PCDH15: variants seen among roughly 807,000 people sequenced by gnomAD.
The protein encoded by PCDH15 is protocadherin-15.
Under a neutral mutation model 178.5 loss-of-function variants are expected in PCDH15, and 129 were observed. That is an observed-to-expected ratio of 0.72 (90% confidence interval 0.63 to 0.84). PCDH15 has a LOEUF of 0.84. Ranked by LOEUF, PCDH15 falls within the 40% of genes least tolerant of loss-of-function variation. The pLI, the probability that PCDH15 is intolerant of heterozygous loss-of-function variation, is 0.00. For synonymous variants in PCDH15, 800 were observed against 732.0 expected, an observed-to-expected ratio of 1.09 and a Z score of -1.50; for missense variants, 2,230 against 2,099.9, an observed-to-expected ratio of 1.06 and a Z score of -1.21.
At chr10:53,928,901 G>A (rs7099099) in intron 25 of PCDH15, among the ~76,000 whole-genome samples, 12,926 of 151,918 alleles carry the variant, frequency 0.085, 591 homozygotes, top group East Asian at 0.1. Flanking sequence ...TTATAAGTAC[G>A]TTTCCAAGAA....
At chr10:54,757,637 T>A (rs192649539) in intron 1 of PCDH15, among the ~76,000 whole-genome samples, 6 of 152,280 alleles carry the variant, frequency 3.9e-5, no homozygotes, top group Admixed American at 3.9e-4. Flanking sequence ...TTTGCCTTCT[T>A]TATGGTAGTC....
chr10:54,394,942 G>A lies in PCDH15; in HGVS notation c.158-16000C>T, dbSNP rs201721795. Among the ~76,000 whole-genome samples the A allele has an allele frequency of 1.6e-4, 25 of 152,212 alleles. No homozygotes were observed. The East Asian group carries it at 1.9e-3, about 12-fold the overall frequency. On this transcript the variant is annotated intron_variant, in intron 3 of 37. Transcript: ENST00000644397. ...ATGGCTCTGTTCTGCCCAGCTCACC[G>A]GTGGTCAGAGTTTAAGGTTATCTCT...
At chr10:54,056,586 C>T (rs1376879174) in intron 18 of PCDH15, among the ~76,000 whole-genome samples, 1 of 152,120 alleles carries the variant, frequency 6.6e-6, no homozygotes. Context: ...TTATCTTCAC[C>T]TGGCCCCTCC....
intron 2 of PCDH15, among the ~76,000 whole-genome samples, chr10:55,444,135 G>C (rs548995172): frequency 1.3e-5 from 2 of 151,818 alleles, no homozygotes; most frequent in Non-Finnish European, 2.9e-5. Flanking sequence ...GGCCTATCGG[G>C]GGGTGGGGGG....
At chr10:55,088,147 T>C (rs1420852496) in intron 2 of PCDH15, among the ~76,000 whole-genome samples, 1 of 152,112 alleles carries the variant, frequency 6.6e-6, no homozygotes, top group Non-Finnish European at 1.5e-5. Context: ...ATGTCTATCA[T>C]ATGAAATTGA....
intron 14 of PCDH15, among the ~76,000 whole-genome samples, chr10:54,139,855 A>T (rs971700537): frequency 1.8e-4 from 28 of 152,162 alleles, no homozygotes; most frequent in Non-Finnish European, 1.3e-4. Context: ...GAAAAAAATA[A>T]CAATTTTTAT....
chr10:55,239,984 G>A (rs536861588), intron 1 of PCDH15, among the ~76,000 whole-genome samples: 1 of 152,146 alleles, frequency 6.6e-6, no homozygotes, highest in South Asian at 2.1e-4. Flanking sequence ...AATCTACAAT[G>A]AGACATCACC....
At chr10:53,834,167 C>G (rs566397283) in intron 29 of PCDH15, among the ~76,000 whole-genome samples, 7 of 152,158 alleles carry the variant, frequency 4.6e-5, no homozygotes, top group African/African-American at 1.7e-4. Flanking sequence ...GGGGAAGGCA[C>G]TTTAGATTAA....
chr10:54,161,874 C>T (rs895225378), intron 13 of PCDH15, among the ~76,000 whole-genome samples: 2 of 152,022 alleles, frequency 1.3e-5, no homozygotes, highest in Non-Finnish European at 2.9e-5. Flanking sequence ...GGATTTGAGA[C>T]TTTATCTCCC....
intron 3 of PCDH15, among the ~76,000 whole-genome samples, chr10:54,521,753 C>A (rs760635413): frequency 1.3e-5 from 2 of 152,072 alleles, no homozygotes; most frequent in African/African-American, 4.8e-5. Context: ...AATTGAATGA[C>A]TTAATGCATT....
At chr10:54,519,669 A>T (rs1288090852) in intron 3 of PCDH15, among the ~76,000 whole-genome samples, 1 of 152,150 alleles carries the variant, frequency 6.6e-6, no homozygotes, top group Non-Finnish European at 1.5e-5. Flanking sequence ...TGCCATCCCC[A>T]TCAAGCTATC....
intron 13 of PCDH15, among the ~76,000 whole-genome samples, chr10:54,160,138 G>T (rs1026983281): frequency 2.6e-5 from 4 of 152,122 alleles, no homozygotes; most frequent in Non-Finnish European, 5.9e-5. Context: ...TGGGCAGGGA[G>T]CATAGATGTC....
At chr10:54,607,840 G>A (rs1423431945) in intron 2 of PCDH15, 3 of 527,086 alleles carry the variant, frequency 5.7e-6, no homozygotes, top group Non-Finnish European at 1.2e-5. Context: ...ATGATGCCAT[G>A]AGGCCTACTG....
chr10:55,418,001 A>C (rs1838526129), intron 2 of PCDH15, among the ~76,000 whole-genome samples: 1 of 151,756 alleles, frequency 6.6e-6, no homozygotes, highest in South Asian at 2.1e-4. Context: ...ACAACTTTTA[A>C]GCAAAAAATG....
At chr10:54,819,436 T>A (rs749073291) in intron 3 of PCDH15, among the ~76,000 whole-genome samples, 9 of 152,012 alleles carry the variant, frequency 5.9e-5, no homozygotes, top group Non-Finnish European at 1.2e-4. Flanking sequence ...ACATTATTTG[T>A]TTTAAAAAAC....
At chr10:54,126,237 AT>A (rs1040723823) in intron 15 of PCDH15, among the ~76,000 whole-genome samples, 43 of 152,070 alleles carry the variant, frequency 2.8e-4, no homozygotes, top group Middle Eastern at 3.4e-3. Flanking sequence ...CACCCAGGTA[AT>A]TTTTGTATTT....
intron 2 of PCDH15, among the ~76,000 whole-genome samples, chr10:55,045,740 C>T (rs546671569): frequency 1.3e-5 from 2 of 152,074 alleles, no homozygotes; most frequent in Non-Finnish European, 2.9e-5. Context: ...TTATAAAGAA[C>T]AGCTCATGAT....
rs751873450 is a variant in PCDH15, at chr10:54,945,348, AGAT to A, written c.-79-47851_-79-47849del. 2.6e-3 allele frequency among the ~76,000 whole-genome samples: 263 copies of A among 102,352 alleles called. 5 individuals carry two copies. The East Asian group carries it at 0.045, about 17-fold the overall frequency. The allele number at this position is 102,352 out of a possible 152,430, so 67.1% of individuals were successfully genotyped here. A position where few individuals can be genotyped will look rare whatever the true frequency, so the allele number is the denominator to read the frequency against. The stretch of plus-strand genomic sequence containing the variant: ...TGGATAGATAGATAGATAGATAGAT[AGAT>A]GATAGATAGATATATAGATAGATAG... On this transcript the variant is annotated intron_variant, in intron 2 of 5. Coordinates refer to the PCDH15 transcript ENST00000458638.
chr10:54,961,184 C>T (rs547624546), intron 2 of PCDH15, among the ~76,000 whole-genome samples: 1 of 152,184 alleles, frequency 6.6e-6, no homozygotes, highest in Non-Finnish European at 1.5e-5. Flanking sequence ...CAGTGTGGAG[C>T]AAATTTGTGG....
Sources: gnomAD v4.1 joint callset for allele counts (sites outside exome capture counted in the v4.1 genomes callset) on GRCh38, gnomAD v4.1.1 for gene constraint, MANE v1.5 for transcripts, NCBI Gene and HGNC (gene_info 2026-07-23, HGNC 2026-07-21) for gene names.